Variants in MKLN1 observed in about 807,000 individuals in gnomAD.
MKLN1 encodes the protein muskelin.
In MKLN1, 18 loss-of-function variants were observed where a neutral mutation model predicts 99.0. The observed-to-expected ratio is 0.18, with a 90% CI of 0.13 to 0.27. The LOEUF (loss-of-function observed/expected upper bound fraction) is 0.27. Ranked by LOEUF, MKLN1 falls within the 10% of genes least tolerant of loss-of-function variation. The pLI, the probability that MKLN1 is intolerant of heterozygous loss-of-function variation, is 1.00. For missense variants in MKLN1, 621 were observed against 875.9 expected, an observed-to-expected ratio of 0.71 and a Z score of 3.67; for synonymous variants, 288 against 293.2, an observed-to-expected ratio of 0.98 and a Z score of 0.18.
rs6943008 is a variant in MKLN1 at position 131,114,873 on chromosome 7, T to G, written c.-419+4666T>G. On this transcript the variant is annotated intron_variant, in intron 1 of 7. Coordinates refer to the MKLN1 transcript ENST00000416992. ...ATCTCTTGAACCCAGGAGGCAGAGG[T>G]TGTGATGAGCTGAAATTGCACAACT... Among the ~76,000 whole-genome samples, 916 of 150,612 alleles carry G rather than the reference T, an allele frequency of 6.1e-3. 7 individuals carry two copies. Among genetic ancestry groups the G allele is most frequent in the African/African-American group, 0.022 (881 of 40,962 alleles).
intron 9 of MKLN1, among the ~76,000 whole-genome samples, chr7:131,431,741 CACT>C (rs1458235901): frequency 6.6e-6 from 1 of 152,164 alleles, no homozygotes; most frequent in African/African-American, 2.4e-5. Context: ...TTATTTATCT[CACT>C]TCCTTTTGCT....
chr7:131,304,912 T>C (rs1798432221), intron 3 of MKLN1, among the ~76,000 whole-genome samples: 1 of 152,206 alleles, frequency 6.6e-6, no homozygotes, highest in African/African-American at 2.4e-5. Context: ...TGCTCTGTCC[T>C]CATGAATGGG....
intron 4 of MKLN1, among the ~76,000 whole-genome samples, chr7:131,394,584 C>T (rs1336797071): frequency 6.6e-6 from 1 of 152,152 alleles, no homozygotes; most frequent in Non-Finnish European, 1.5e-5. Context: ...TGCCATGCGT[C>T]TGGGTTCCTA....
chr7:131,309,127 T>C (rs1798516324), intron 3 of MKLN1, among the ~76,000 whole-genome samples: 1 of 152,222 alleles, frequency 6.6e-6, no homozygotes, highest in African/African-American at 2.4e-5. Context: ...CCTGTGTATC[T>C]TACAATAAAC....
chr7:131,406,812 A>G (rs1794723116), intron 6 of MKLN1, among the ~76,000 whole-genome samples: 1 of 152,044 alleles, frequency 6.6e-6, no homozygotes, highest in South Asian at 2.1e-4. Context: ...GTTATTAACC[A>G]GCTTCCTTGT....
rs185313975 is a variant in MKLN1, at chr7:131,204,688, G to A, written c.-179+1714G>A. ...CTATTAAAAATACAAACATTAGGCC[G>A]GGCGCGGTGGCTCATGCCTGTAATC... On this transcript the variant is annotated intron_variant, in intron 3 of 7. Transcript: ENST00000416992. Among the ~76,000 whole-genome samples, 6 of 152,064 alleles carry A rather than the reference G, an allele frequency of 3.9e-5. No individual in the cohort carries two copies. The East Asian group carries it at 5.8e-4, about 15-fold the overall frequency.
At chr7:131,124,487 A>G (rs981455563) in intron 1 of MKLN1, among the ~76,000 whole-genome samples, 1 of 152,174 alleles carries the variant, frequency 6.6e-6, no homozygotes, top group Non-Finnish European at 1.5e-5. Context: ...TTATGGGTCC[A>G]ACCCCCAGCC....
At chr7:131,346,026 G>C (rs1396108493) in intron 1 of MKLN1, among the ~76,000 whole-genome samples, 1 of 152,086 alleles carries the variant, frequency 6.6e-6, no homozygotes, top group Admixed American at 6.5e-5. Context: ...GAAGTCATAG[G>C]AGTGAAAAAT....
intron 12 of MKLN1, among the ~76,000 whole-genome samples, chr7:131,448,085 G>A (rs1796068760): frequency 6.6e-6 from 1 of 152,122 alleles, no homozygotes; most frequent in Non-Finnish European, 1.5e-5. Flanking sequence ...AAAATTAGCT[G>A]GGCGTGGTGG....
At chr7:131,180,556 G>A (rs933014286) in intron 2 of MKLN1, among the ~76,000 whole-genome samples, 18 of 151,902 alleles carry the variant, frequency 1.2e-4, no homozygotes, top group African/African-American at 2.2e-4. Context: ...AAAATTAGCC[G>A]GGTGTGGTGG....
chr7:131,115,450 C>T (rs1795259904), intron 1 of MKLN1, among the ~76,000 whole-genome samples: 1 of 152,188 alleles, frequency 6.6e-6, no homozygotes, highest in Non-Finnish European at 1.5e-5. Context: ...CTTGTAATAG[C>T]TTTCTAAATG....
chr7:131,378,047 A>G (rs950008635), intron 2 of MKLN1, among the ~76,000 whole-genome samples: 37 of 152,200 alleles, frequency 2.4e-4, no homozygotes, highest in Non-Finnish European at 4.3e-4. Context: ...AGCAATTTCA[A>G]TGTTTACTTA....
At chr7:131,143,103 TG>T (rs1354554605) in intron 2 of MKLN1, among the ~76,000 whole-genome samples, 4 of 152,242 alleles carry the variant, frequency 2.6e-5, no homozygotes, top group Non-Finnish European at 5.9e-5. Context: ...ATATGCTATG[TG>T]TACAAAGAAA....
At chr7:131,228,226 G>A (rs1797186368) in intron 3 of MKLN1, among the ~76,000 whole-genome samples, 1 of 152,136 alleles carries the variant, frequency 6.6e-6, no homozygotes, top group Admixed American at 6.5e-5. Context: ...ACCATACCCA[G>A]CTAATTTTAT....
chr7:131,408,918 T>G (rs1794790115), intron 6 of MKLN1, among the ~76,000 whole-genome samples: 2 of 152,204 alleles, frequency 1.3e-5, no homozygotes, highest in Admixed American at 1.3e-4. Context: ...AGTTTAAAAA[T>G]TATTAACAAC....
intron 6 of MKLN1, among the ~76,000 whole-genome samples, chr7:131,401,359 T>A (rs558690709): frequency 4.6e-5 from 7 of 152,312 alleles, no homozygotes; most frequent in East Asian, 1.9e-4. Flanking sequence ...CCATGCAGGA[T>A]CCAGTGATGA....
chr7:131,339,606 C>T (rs928484032), intron 1 of MKLN1, among the ~76,000 whole-genome samples: 4 of 151,116 alleles, frequency 2.6e-5, no homozygotes, highest in Non-Finnish European at 4.4e-5. Context: ...GGCTGAGGCA[C>T]GAGAATTGCT....
At chr7:131,459,754 CAT>C (rs1381370764) in intron 12 of MKLN1, among the ~76,000 whole-genome samples, 1 of 151,912 alleles carries the variant, frequency 6.6e-6, no homozygotes, top group Non-Finnish European at 1.5e-5. Flanking sequence ...AAAAAAACAA[CAT>C]AGATATATGT....
chr7:131,236,996 GA>G (rs1406755889), intron 3 of MKLN1, among the ~76,000 whole-genome samples: 2 of 151,900 alleles, frequency 1.3e-5, no homozygotes, highest in African/African-American at 4.8e-5. Context: ...CTCTAAAAAA[GA>G]AAAGACAAAA....
Sources: gnomAD v4.1 joint callset for allele counts (sites outside exome capture counted in the v4.1 genomes callset) on GRCh38, gnomAD v4.1.1 for gene constraint, MANE v1.5 for transcripts, NCBI Gene and HGNC (gene_info 2026-07-23, HGNC 2026-07-21) for gene names.